The following ADGRB3 variants were observed in gnomAD, a reference collection of about 807,000 sequenced individuals.
The protein encoded by ADGRB3 is adhesion G protein-coupled receptor B3.
A neutral mutation model predicts 193.4 loss-of-function variants in ADGRB3; 37 were observed. That is an observed-to-expected ratio of 0.19 (90% CI 0.15 to 0.25). The LOEUF is 0.25. Ranked by LOEUF, ADGRB3 falls within the 10% of genes least tolerant of loss-of-function variation. ADGRB3 has a pLI of 1.00. For synonymous variants in ADGRB3, 690 were observed against 644.2 expected, an observed-to-expected ratio of 1.07 and a Z score of -1.08; for missense variants, 1,637 against 1,852.9, an observed-to-expected ratio of 0.88 and a Z score of 2.14.
chr6:68,713,266 G>A (rs757242984), intron 3 of ADGRB3, among the ~76,000 whole-genome samples: 35 of 151,878 alleles, frequency 2.3e-4, no homozygotes, highest in Non-Finnish European at 3.2e-4. Context: ...TTCAGATAAT[G>A]TTCTTCTGAA....
chr6:68,919,459 G>A (rs1226214765), intron 3 of ADGRB3, among the ~76,000 whole-genome samples: 1 of 152,054 alleles, frequency 6.6e-6, no homozygotes, highest in African/African-American at 2.4e-5. Context: ...TATATTGGCC[G>A]ATGAGAGTGA....
intron 3 of ADGRB3, among the ~76,000 whole-genome samples, chr6:68,846,516 C>T (rs1048173310): frequency 6.6e-6 from 1 of 152,172 alleles, no homozygotes. Flanking sequence ...GTATGAAGCC[C>T]AGGGATTTGG....
intron 17 of ADGRB3, among the ~76,000 whole-genome samples, chr6:69,222,715 A>T (rs1306395764): frequency 1.3e-5 from 2 of 152,116 alleles, no homozygotes; most frequent in African/African-American, 4.8e-5. Context: ...TCAAATTTTG[A>T]TTTGGTGAAT....
intron 3 of ADGRB3, among the ~76,000 whole-genome samples, chr6:68,872,599 C>T (rs1462133444): frequency 6.6e-6 from 1 of 152,072 alleles, no homozygotes; most frequent in South Asian, 2.1e-4. Context: ...TGTTTGTATG[C>T]AGTATACACC....
intron 17 of ADGRB3, among the ~76,000 whole-genome samples, chr6:69,171,328 G>C (rs1254253765): frequency 6.6e-6 from 1 of 152,182 alleles, no homozygotes; most frequent in Non-Finnish European, 1.5e-5. Flanking sequence ...AAGAAAATTA[G>C]GAGATGGCTC....
At chr6:69,218,526 A>G (rs190015449) in intron 17 of ADGRB3, among the ~76,000 whole-genome samples, 240 of 152,294 alleles carry the variant, frequency 1.6e-3, no homozygotes, top group African/African-American at 5.1e-3. Flanking sequence ...TACTAATAGG[A>G]TAAGTTACTT....
chr6:69,297,066 A>G (rs898161703), intron 20 of ADGRB3, among the ~76,000 whole-genome samples: 2 of 152,098 alleles, frequency 1.3e-5, no homozygotes, highest in African/African-American at 4.8e-5. Context: ...ACTCCAGGAT[A>G]AATGCAGCCT....
intron 10 of ADGRB3, among the ~76,000 whole-genome samples, chr6:68,990,231 T>C (rs1404835508): frequency 6.6e-6 from 1 of 152,270 alleles, no homozygotes; most frequent in East Asian, 1.9e-4. Flanking sequence ...AGAGAACTCT[T>C]CACAGTATGC....
chr6:68,788,711 T>C (rs1767029991), intron 3 of ADGRB3, among the ~76,000 whole-genome samples: 1 of 152,200 alleles, frequency 6.6e-6, no homozygotes, highest in African/African-American at 2.4e-5. Context: ...GGTATCCTTG[T>C]TAACTTTCTG....
chr6:68,786,435 G>C (rs1196523557), intron 3 of ADGRB3, among the ~76,000 whole-genome samples: 3 of 151,990 alleles, frequency 2.0e-5, no homozygotes, highest in East Asian at 1.9e-4. Context: ...TCTTGTTTTT[G>C]TCAGGTTTGT....
At chr6:69,199,392 G>C (rs1317285804) in intron 17 of ADGRB3, among the ~76,000 whole-genome samples, 1 of 152,046 alleles carries the variant, frequency 6.6e-6, no homozygotes, top group African/African-American at 2.4e-5. Flanking sequence ...TTGATAGATA[G>C]GGATAGTAGT....
intron 3 of ADGRB3, among the ~76,000 whole-genome samples, chr6:68,651,053 A>G (rs573399804): frequency 6.6e-6 from 1 of 152,328 alleles, no homozygotes; most frequent in South Asian, 2.1e-4. Flanking sequence ...TAATCTTTCC[A>G]CATAAATCTG....
chr6:69,336,690 G>A (rs947707167), intron 24 of ADGRB3, among the ~76,000 whole-genome samples: 1 of 151,988 alleles, frequency 6.6e-6, no homozygotes, highest in South Asian at 2.1e-4. Context: ...AAATTTAGAT[G>A]TATGGACAAC....
chr6:69,232,389 G>A (rs949516032), intron 17 of ADGRB3: 4 of 1,418,972 alleles, frequency 2.8e-6, no homozygotes, highest in African/African-American at 2.9e-5. Flanking sequence ...TTGTTCTGCT[G>A]GGGTGGGAAA....
At chr6:68,730,049 T>C (rs1765743811) in intron 3 of ADGRB3, among the ~76,000 whole-genome samples, 1 of 151,638 alleles carries the variant, frequency 6.6e-6, no homozygotes, top group Non-Finnish European at 1.5e-5. Context: ...CTGGTCTCCA[T>C]AATTAAATAG....
intron 3 of ADGRB3, among the ~76,000 whole-genome samples, chr6:68,736,641 A>T (rs1765879118): frequency 6.6e-6 from 1 of 152,172 alleles, no homozygotes; most frequent in Non-Finnish European, 1.5e-5. Flanking sequence ...TTGTGCACTT[A>T]GAGATGACCA....
At chr6:68,850,833 CA>C (rs1335030402) in intron 3 of ADGRB3, among the ~76,000 whole-genome samples, 3 of 151,870 alleles carry the variant, frequency 2.0e-5, no homozygotes, top group African/African-American at 7.2e-5. Flanking sequence ...CTAGTCAAGT[CA>C]ATTTTGTTTT....
chr6:68,785,545 C>A (rs1245456607), intron 3 of ADGRB3, among the ~76,000 whole-genome samples: 3 of 151,016 alleles, frequency 2.0e-5, no homozygotes, highest in Non-Finnish European at 4.4e-5. Flanking sequence ...TTTTGTTAAT[C>A]CAGTCTATCG....
intron 3 of ADGRB3, among the ~76,000 whole-genome samples, chr6:68,658,398 A>T (rs1768539133): frequency 6.6e-6 from 1 of 151,310 alleles, no homozygotes; most frequent in East Asian, 1.9e-4. Flanking sequence ...TGCAAAGTAC[A>T]TCTCCAGATA....
Sources: gnomAD v4.1 joint callset for allele counts (sites outside exome capture counted in the v4.1 genomes callset) on GRCh38, gnomAD v4.1.1 for gene constraint, MANE v1.5 for transcripts, NCBI Gene and HGNC (gene_info 2026-07-23, HGNC 2026-07-21) for gene names.